Variants in WDFY2 observed in about 807,000 individuals in gnomAD.
WDFY2 encodes WD repeat and FYVE domain-containing protein 2.
In WDFY2, 36 loss-of-function variants were observed where a neutral mutation model predicts 56.4. The ratio of observed to expected loss-of-function variants is 0.64; its 90% confidence interval spans 0.49 to 0.84. The LOEUF (loss-of-function observed/expected upper bound fraction) is 0.84. Ranked by LOEUF, WDFY2 falls within the 40% of genes least tolerant of loss-of-function variation. The probability of loss-of-function intolerance (pLI) is 0.00; values close to 1 mark genes in which losing one functional copy is unlikely to be tolerated. For missense variants in WDFY2, 444 were observed against 512.2 expected, an observed-to-expected ratio of 0.87 and a Z score of 1.29; for synonymous variants, 176 against 183.7, an observed-to-expected ratio of 0.96 and a Z score of 0.34.
At chr13:51,692,438 T>C (rs2138549191) in intron 3 of WDFY2, among the ~76,000 whole-genome samples, 1 of 152,336 alleles carries the variant, frequency 6.6e-6, no homozygotes, top group East Asian at 1.9e-4. Context: ...CTTTTCTGCA[T>C]CTATTGAGAT....
At chr13:51,664,826 C>G (rs757277420) in intron 2 of WDFY2, among the ~76,000 whole-genome samples, 19 of 152,148 alleles carry the variant, frequency 1.2e-4, no homozygotes, top group Non-Finnish European at 7.3e-5. Flanking sequence ...TTAACATAGC[C>G]TGGGAAAGGT....
chr13:51,722,210 C>T (rs901668469), intron 5 of WDFY2, among the ~76,000 whole-genome samples: 1 of 152,028 alleles, frequency 6.6e-6, no homozygotes, highest in African/African-American at 2.4e-5. Flanking sequence ...TCTATCTCCA[C>T]CTCAAACAGT....
At chr13:51,601,951 C>T (rs1260324739) in intron 1 of WDFY2, among the ~76,000 whole-genome samples, 3 of 152,206 alleles carry the variant, frequency 2.0e-5, no homozygotes, top group Non-Finnish European at 4.4e-5. Flanking sequence ...TAGAAGAGGG[C>T]AGATACCCCT....
chr13:51,601,678 C>G (rs1954286260), intron 1 of WDFY2, among the ~76,000 whole-genome samples: 2 of 152,110 alleles, frequency 1.3e-5, no homozygotes, highest in Admixed American at 1.3e-4. Context: ...GGCCTCCCAA[C>G]TAGTTTACTG....
At chr13:51,753,814 G>T (rs946144114) in intron 8 of WDFY2, among the ~76,000 whole-genome samples, 1 of 152,072 alleles carries the variant, frequency 6.6e-6, no homozygotes, top group South Asian at 2.1e-4. Flanking sequence ...AGCCGGGCAC[G>T]GTGGCTCACG....
intron 8 of WDFY2, among the ~76,000 whole-genome samples, chr13:51,754,912 G>A (rs1953331100): frequency 6.6e-6 from 1 of 152,064 alleles, no homozygotes; most frequent in South Asian, 2.1e-4. Context: ...TAATAAGCTG[G>A]TATTTGAGAA....
chr13:51,643,945 T>C (rs1030927309), intron 1 of WDFY2, among the ~76,000 whole-genome samples: 16 of 152,182 alleles, frequency 1.1e-4, no homozygotes, highest in African/African-American at 2.4e-5. Context: ...ATTCAGGGAA[T>C]TTCTTGTGTC....
chr13:51,646,797 A>G (rs1336611846), intron 1 of WDFY2, among the ~76,000 whole-genome samples: 2 of 152,210 alleles, frequency 1.3e-5, no homozygotes, highest in Non-Finnish European at 2.9e-5. Flanking sequence ...GCTAGAATAT[A>G]GCACAAAGGA....
At chr13:51,757,322 T>G (rs1309145110) in intron 10 of WDFY2, among the ~76,000 whole-genome samples, 1 of 152,214 alleles carries the variant, frequency 6.6e-6, no homozygotes, top group East Asian at 1.9e-4. Flanking sequence ...CTACTTTAAT[T>G]CTTCATTTTG....
Position 51,708,219 on chromosome 13 carries a change from A to G in WDFY2, c.334+4569A>G, listed in dbSNP as rs978336436. Among the ~76,000 whole-genome samples the G allele has an allele frequency of 3.3e-5, 5 of 151,900 alleles. No homozygotes were observed. The South Asian group carries it at 1.0e-3, about 32-fold the overall frequency. On this transcript the variant is annotated intron_variant, in intron 4 of 11. Transcript: ENST00000298125. ...TAAAATAACAAATTGAGGACCAGGGACAGCAGCTGACAGCTGTGATCCTAG... is the reference window on the plus strand; with the variant it reads ...TAAAATAACAAATTGAGGACCAGGGGCAGCAGCTGACAGCTGTGATCCTAG...
chr13:51,584,855 G>A, intron 1 of WDFY2, 31 bp downstream of exon 1: 1 of 1,610,112 alleles, frequency 6.2e-7, no homozygotes, highest in Non-Finnish European at 8.5e-7. Context: ...GCCGCGAGGA[G>A]GGGCGGGACG....
intron 4 of WDFY2, among the ~76,000 whole-genome samples, chr13:51,713,257 TA>T (rs1952265353): frequency 6.6e-6 from 1 of 152,108 alleles, no homozygotes; most frequent in African/African-American, 2.4e-5. Context: ...CAGCAATATG[TA>T]AAAAAGATAA....
In WDFY2 at chr13:51,598,389, C is replaced by T. The variant is rs530007680; in HGVS notation, c.137+13565C>T. 3.4e-4 allele frequency: 51 copies of T among 152,166 alleles called. 1 individual carries two copies. The highest frequency in any genetic ancestry group is 1.2e-3 in the African/African-American group (50 of 41,510). 9.4% of individuals were successfully genotyped at this position (152,166 alleles called of 1,614,324 possible). A position where few individuals can be genotyped will look rare whatever the true frequency, so the allele number is the denominator to read the frequency against. On this transcript the variant is annotated intron_variant, in intron 1 of 11. Transcript: ENST00000298125. ...AAGATAAAAATACAAATAAATAAAA[C>T]TGCTTTGGGAGGTCAGGGTCACAGG...
At chr13:51,731,952 C>G (rs1952732204) in intron 6 of WDFY2, among the ~76,000 whole-genome samples, 1 of 152,054 alleles carries the variant, frequency 6.6e-6, no homozygotes, top group African/African-American at 2.4e-5. Flanking sequence ...GTCCAAAGGC[C>G]AAAGCATAAC....
chr13:51,586,637 GTGTT>G (rs1769590152), intron 1 of WDFY2: 1 of 152,140 alleles, frequency 6.6e-6, no homozygotes, highest in Non-Finnish European at 1.5e-5. Context: ...ATATTTTCAA[GTGTT>G]TGGAGACGCT....
At chr13:51,630,996 T>A (rs1011782956) in intron 1 of WDFY2, among the ~76,000 whole-genome samples, 20 of 151,568 alleles carry the variant, frequency 1.3e-4, no homozygotes, top group Middle Eastern at 3.4e-3. Context: ...GCCAGGCTAG[T>A]CTCGAACTCC....
intron 1 of WDFY2, among the ~76,000 whole-genome samples, chr13:51,597,434 A>T (rs1954171999): frequency 6.6e-6 from 1 of 152,206 alleles, no homozygotes; most frequent in Admixed American, 6.5e-5. Context: ...GAAGCAATGA[A>T]CTGTTTTCAC....
chr13:51,630,225 C>T (rs895037845), intron 1 of WDFY2, among the ~76,000 whole-genome samples: 1 of 152,138 alleles, frequency 6.6e-6, no homozygotes, highest in African/African-American at 2.4e-5. Flanking sequence ...CCCAAATCAT[C>T]TTAAACTGAG....
intron 1 of WDFY2, among the ~76,000 whole-genome samples, chr13:51,602,210 A>G (rs1193945044): frequency 6.6e-6 from 1 of 152,230 alleles, no homozygotes; most frequent in African/African-American, 2.4e-5. Flanking sequence ...GTGGTCCCAT[A>G]GATTATAATG....
Sources: gnomAD v4.1 joint callset for allele counts (sites outside exome capture counted in the v4.1 genomes callset) on GRCh38, gnomAD v4.1.1 for gene constraint, MANE v1.5 for transcripts, NCBI Gene and HGNC (gene_info 2026-07-23, HGNC 2026-07-21) for gene names.